ULK4: variants seen among roughly 807,000 people sequenced by gnomAD.
The protein encoded by ULK4 is inactive serine/threonine-protein kinase ULK4.
ULK4 carries 133 observed loss-of-function variants against 160.6 expected under a neutral mutation model. The ratio of observed to expected loss-of-function variants is 0.83; its 90% CI spans 0.72 to 0.96. The LOEUF is 0.96. Ranked by LOEUF, ULK4 falls within the 40% of genes least tolerant of loss-of-function variation. The pLI is 0.00. For missense variants in ULK4, 1,580 were observed against 1,499.5 expected (o/e 1.05, Z -0.89); for synonymous variants, 534 against 539.8 (o/e 0.99, Z 0.15).
At chr3:41,455,382 T>C (rs1460541750) in intron 34 of ULK4, 115 bp downstream of exon 34, 20 of 917,244 alleles carry the variant, frequency 2.2e-5, no homozygotes, top group Middle Eastern at 2.4e-4. Context: ...AAAGTTCTTT[T>C]GGCTCTAGTT....
intron 35 of ULK4, among the ~76,000 whole-genome samples, chr3:41,332,945 A>G (rs1201853546): frequency 6.6e-6 from 1 of 152,204 alleles, no homozygotes. Context: ...ACTTTTAAAA[A>G]TATTTTCTAG....
At chr3:41,365,288 C>T (rs1222222936) in intron 35 of ULK4, among the ~76,000 whole-genome samples, 1 of 152,094 alleles carries the variant, frequency 6.6e-6, no homozygotes, top group Admixed American at 6.5e-5. Flanking sequence ...CAAAATTTGA[C>T]AATATTTGGT....
chr3:41,580,136 T>C (rs1297802355), intron 31 of ULK4, among the ~76,000 whole-genome samples: 1 of 152,160 alleles, frequency 6.6e-6, no homozygotes, highest in Non-Finnish European at 1.5e-5. Context: ...CCCCTCAGGC[T>C]GACTGGCTGG....
In ULK4 at chr3:41,499,253, T is replaced by C. The variant is rs140954383; in HGVS notation, c.3227-36000A>G. 5.3e-3 allele frequency among the ~76,000 whole-genome samples: 813 copies of C among 152,228 alleles called. 7 individuals are homozygous for C. The highest frequency in any genetic ancestry group is 0.02 in the Middle Eastern group (6 of 294). On this transcript the variant is annotated intron_variant, in intron 32 of 36. Transcript: ENST00000301831. Reference sequence around the variant, plus strand: ...TTTTAATTGATGGAAACTCTTTTGCTAGAAAAAGCTCATGAAGAACCCCAA... The same window carrying C: ...TTTTAATTGATGGAAACTCTTTTGCCAGAAAAAGCTCATGAAGAACCCCAA...
intron 25 of ULK4, among the ~76,000 whole-genome samples, chr3:41,711,305 G>A (rs2037088439): frequency 6.6e-6 from 1 of 152,124 alleles, no homozygotes; most frequent in Non-Finnish European, 1.5e-5. Flanking sequence ...AGTTTCAGCA[G>A]GGGAGCAAAA....
intron 30 of ULK4, among the ~76,000 whole-genome samples, chr3:41,644,677 G>A (rs1383803285): frequency 2.0e-5 from 3 of 151,244 alleles, no homozygotes; most frequent in South Asian, 2.1e-4. Context: ...GTCTCTGCCC[G>A]GCTTTGGTAT....
chr3:41,671,130 A>T (rs1009705155), intron 29 of ULK4, among the ~76,000 whole-genome samples: 1 of 152,172 alleles, frequency 6.6e-6, no homozygotes, highest in African/African-American at 2.4e-5. Flanking sequence ...AGATCAGAAA[A>T]ATTAATATCA....
chr3:41,259,975 CAG>C (rs796665756), intron 35 of ULK4: 62 of 152,292 alleles, frequency 4.1e-4, no homozygotes, highest in African/African-American at 1.5e-3. Flanking sequence ...ACACTTCACA[CAG>C]GGGAGGATTA....
chr3:41,505,195 A>T (rs1256401), intron 32 of ULK4, among the ~76,000 whole-genome samples: 127,735 of 152,064 alleles, frequency 0.84, 54,950 homozygotes, highest in Non-Finnish European at 0.94. Context: ...CAGCTAGATG[A>T]ATTTTCACAA....
chr3:41,844,768 C>T (rs1261105095), intron 17 of ULK4, among the ~76,000 whole-genome samples: 8 of 138,412 alleles, frequency 5.8e-5, no homozygotes, highest in South Asian at 2.4e-4. Context: ...TACAGTCACT[C>T]GGAAAACTTT....
At chr3:41,251,394 C>G (rs745685746) in intron 35 of ULK4, among the ~76,000 whole-genome samples, 1 of 152,238 alleles carries the variant, frequency 6.6e-6, no homozygotes, top group Non-Finnish European at 1.5e-5. Context: ...GACACTCTTT[C>G]TCTCCCTCTG....
intron 34 of ULK4, among the ~76,000 whole-genome samples, chr3:41,437,212 TG>T (rs1308392152): frequency 6.6e-6 from 1 of 152,210 alleles, no homozygotes; most frequent in Non-Finnish European, 1.5e-5. Flanking sequence ...GTTGCAGAGC[TG>T]GTGAATATTC....
intron 30 of ULK4, among the ~76,000 whole-genome samples, chr3:41,652,456 T>C (rs1206007021): frequency 1.3e-5 from 2 of 152,168 alleles, no homozygotes; most frequent in Non-Finnish European, 2.9e-5. Flanking sequence ...CTGCAGGAGA[T>C]ACAGTGACGA....
At position 41,614,866 on chromosome 3, in the gene ULK4, T is replaced by C. The variant is rs560820221; in HGVS notation, c.3120+803A>G. 5.9e-5 allele frequency among the ~76,000 whole-genome samples: 9 copies of C among 152,318 alleles called. No individual in the cohort carries two copies. In the South Asian group the frequency reaches 1.9e-3, roughly 32 times the overall value. ...ATCACAACTAATGCTCCCCTACTGATGACCAAGGTAAGTTAGGCTGATCTG... is the reference window on the plus strand; with the variant it reads ...ATCACAACTAATGCTCCCCTACTGACGACCAAGGTAAGTTAGGCTGATCTG... On this transcript the variant is annotated intron_variant, in intron 31 of 36. Coordinates refer to ENST00000301831, the MANE Select transcript of ULK4 (RefSeq NM_017886.4).
At chr3:41,716,140 G>A (rs1380024557) in intron 23 of ULK4, among the ~76,000 whole-genome samples, 1 of 151,046 alleles carries the variant, frequency 6.6e-6, no homozygotes, top group African/African-American at 2.4e-5. Context: ...TTGAATCTGG[G>A]AGGTGAAGGT....
intron 1 of ULK4, among the ~76,000 whole-genome samples, chr3:41,958,334 G>A (rs1291565996): frequency 6.6e-6 from 1 of 152,046 alleles, no homozygotes; most frequent in South Asian, 2.1e-4. Flanking sequence ...CCCTTAAAAA[G>A]GGTTAAGATG....
At chr3:41,648,930 C>A (rs2034624019) in intron 30 of ULK4, among the ~76,000 whole-genome samples, 1 of 152,048 alleles carries the variant, frequency 6.6e-6, no homozygotes, top group African/African-American at 2.4e-5. Context: ...GCCCAGGAGA[C>A]CAGCCTGGAC....
chr3:41,849,673 G>T (rs1311821119), intron 17 of ULK4, among the ~76,000 whole-genome samples: 1 of 152,130 alleles, frequency 6.6e-6, no homozygotes, highest in African/African-American at 2.4e-5. Context: ...GTCAATGTAG[G>T]TTTATCGACT....
At chr3:41,377,434 G>A (rs1473679660) in intron 35 of ULK4, among the ~76,000 whole-genome samples, 33 of 149,886 alleles carry the variant, frequency 2.2e-4, no homozygotes, top group Admixed American at 2.2e-3. Flanking sequence ...GAGTGAACAG[G>A]CAACCTACAA....
Sources: allele counts gnomAD v4.1 joint callset (sites outside exome capture counted in the v4.1 genomes callset), GRCh38; gene constraint gnomAD v4.1.1; transcripts MANE v1.5; gene names NCBI Gene and HGNC (gene_info 2026-07-23, HGNC 2026-07-21).